Variants in KANSL1 observed in about 807,000 individuals in gnomAD.
KANSL1 encodes the protein KAT8 regulatory NSL complex subunit 1, also known as MLL1/MLL complex subunit KANSL1.
In KANSL1, 22 loss-of-function variants were observed where a neutral mutation model predicts 103.6. That is an observed-to-expected ratio of 0.21 (90% CI 0.15 to 0.30). The LOEUF (loss-of-function observed/expected upper bound fraction) is 0.30. Ranked by LOEUF, KANSL1 falls within the 10% of genes least tolerant of loss-of-function variation. The probability of loss-of-function intolerance (pLI) is 1.00; values close to 1 mark genes in which losing one functional copy is unlikely to be tolerated. For synonymous variants in KANSL1, 600 were observed against 527.6 expected, an observed-to-expected ratio of 1.14 and a Z score of -1.88; for missense variants, 1,337 against 1,399.8, an observed-to-expected ratio of 0.96 and a Z score of 0.72.
rs1331879115 is a variant in KANSL1 at position 46,030,553 on chromosome 17, C to G, written c.*923G>C. On this transcript the variant is annotated 3_prime_UTR_variant, in exon 15 of 15. Coordinates refer to ENST00000432791, the MANE Select transcript of KANSL1 (RefSeq NM_015443.4). ...GAGTGGAACTAACACCGACAGGGAT[C>G]TGGATGTGAAGGAAACATGGCAAAG... The G allele has an allele frequency of 4.0e-5, 6 of 148,712 alleles. No homozygotes were observed. Among genetic ancestry groups the G allele is most frequent in the Non-Finnish European group, 8.9e-5 (6 of 67,558 alleles). 9.2% of individuals were successfully genotyped at this position (148,712 alleles called of 1,614,324 possible).
chr17:46,134,476 G>T, intron 2 of KANSL1, among the ~76,000 whole-genome samples: 1 of 152,162 alleles, frequency 6.6e-6, no homozygotes, highest in African/African-American at 2.4e-5. Flanking sequence ...GATAAAGTCT[G>T]AACTTCAGAA....
intron 1 of KANSL1, among the ~76,000 whole-genome samples, chr17:46,209,658 T>C (rs1289176397): frequency 6.6e-6 from 1 of 152,182 alleles, no homozygotes; most frequent in East Asian, 1.9e-4. Flanking sequence ...CACATTTGGC[T>C]GATTTTTGTA....
chr17:46,162,149 T>A (rs1416371940), intron 2 of KANSL1, among the ~76,000 whole-genome samples: 1 of 152,248 alleles, frequency 6.6e-6, no homozygotes, highest in Non-Finnish European at 1.5e-5. Flanking sequence ...TTCTTTACAT[T>A]GGATATGTAA....
chr17:46,033,230 C>T (rs2077059858), intron 12 of KANSL1, 38 bp from the exon 13 acceptor site: 1 of 1,532,630 alleles, frequency 6.5e-7, no homozygotes, highest in Non-Finnish European at 8.9e-7. Context: ...CTCTTTTCTC[C>T]AGGAGTTAAG....
At chr17:46,033,008 A>G (rs2077051950) in intron 13 of KANSL1, 72 bp downstream of exon 13, 3 of 1,181,592 alleles carry the variant, frequency 2.5e-6, no homozygotes, top group Non-Finnish European at 3.5e-6. Flanking sequence ...AATTCCATGG[A>G]CTCAAGTAGG....
At chr17:46,142,527 T>C (rs1393722054) in intron 2 of KANSL1, among the ~76,000 whole-genome samples, 1 of 152,166 alleles carries the variant, frequency 6.6e-6, no homozygotes, top group Non-Finnish European at 1.5e-5. Flanking sequence ...GAGGACCACT[T>C]GAGTCCTGGA....
At chr17:46,150,078 A>T (rs1239403995) in intron 2 of KANSL1, among the ~76,000 whole-genome samples, 1 of 151,632 alleles carries the variant, frequency 6.6e-6, no homozygotes, top group African/African-American at 2.4e-5. Context: ...AAAAAAAAAA[A>T]AAATAGAACT....
At chr17:46,148,771 C>A (rs1031816233) in intron 2 of KANSL1, among the ~76,000 whole-genome samples, 2 of 151,308 alleles carry the variant, frequency 1.3e-5, no homozygotes, top group African/African-American at 4.9e-5. Flanking sequence ...TTTTTAGTAG[C>A]GACAGGGTTT....
intron 1 of KANSL1, among the ~76,000 whole-genome samples, chr17:46,181,487 T>C (rs908426608): frequency 6.6e-6 from 1 of 152,196 alleles, no homozygotes; most frequent in Non-Finnish European, 1.5e-5. Context: ...TGGAGTGCGA[T>C]GGCGCGATCT....
chr17:46,165,448 G>T (rs1274866378), intron 2 of KANSL1, among the ~76,000 whole-genome samples: 2 of 152,052 alleles, frequency 1.3e-5, no homozygotes, highest in African/African-American at 2.4e-5. Flanking sequence ...TAGCCAGGAT[G>T]GTCTCAATCT....
intron 2 of KANSL1, among the ~76,000 whole-genome samples, chr17:46,125,202 C>T (rs1049938853): frequency 2.6e-5 from 4 of 152,102 alleles, no homozygotes; most frequent in African/African-American, 9.7e-5. Context: ...GAGATAGGAC[C>T]TTCCACCAGC....
chr17:46,191,036 T>TA (rs142370817), intron 1 of KANSL1, among the ~76,000 whole-genome samples: 50 of 151,830 alleles, frequency 3.3e-4, no homozygotes, highest in Middle Eastern at 6.8e-3. Flanking sequence ...GTATTTACTT[T>TA]AAAAAAAAAG....
At chr17:46,051,085 T>C (rs958766117) in intron 6 of KANSL1, among the ~76,000 whole-genome samples, 1 of 152,196 alleles carries the variant, frequency 6.6e-6, no homozygotes, top group Non-Finnish European at 1.5e-5. Flanking sequence ...AGACGAACAG[T>C]TGGTTCTTGA....
chr17:46,213,622 T>C (rs1419535222), intron 1 of KANSL1, among the ~76,000 whole-genome samples: 1 of 150,594 alleles, frequency 6.6e-6, no homozygotes, highest in Non-Finnish European at 1.5e-5. Flanking sequence ...CGTTTTCTAA[T>C]GTGCAGGAAC....
At chr17:46,111,572 T>C (rs2042807577) in intron 2 of KANSL1, among the ~76,000 whole-genome samples, 2 of 152,160 alleles carry the variant, frequency 1.3e-5, no homozygotes, top group African/African-American at 4.8e-5. Flanking sequence ...ATACAACAAG[T>C]ATAATCAATA....
At chr17:46,183,277 AAT>A (rs1491543777) in intron 1 of KANSL1, among the ~76,000 whole-genome samples, 1 of 144,346 alleles carries the variant, frequency 6.9e-6, no homozygotes, top group Non-Finnish European at 1.5e-5. Flanking sequence ...CAAAAACACT[AAT>A]TTTTTTTTTT....
intron 1 of KANSL1, among the ~76,000 whole-genome samples, chr17:46,199,057 AT>A (rs2047708697): frequency 6.8e-6 from 1 of 147,974 alleles, no homozygotes; most frequent in African/African-American, 2.4e-5. Context: ...AACCAGCTAA[AT>A]ATTAAATAGC....
At position 46,172,001 on chromosome 17, in the gene KANSL1, C is replaced by T; in HGVS notation, c.143G>A (p.Gly48Glu). The T allele has an allele frequency of 6.2e-7, 1 of 1,614,236 alleles. No individual in the cohort carries two copies. Among genetic ancestry groups the T allele is most frequent in the Non-Finnish European group, 8.5e-7 (1 of 1,180,042 alleles). Reference protein sequence around the residue: ...GNANILIAANGTKRKAIAAED... With the variant: ...GNANILIAANETKRKAIAAED... ...TGCAGCAATGGCTTTTCTTTTGGTT[C>T]CGTTGGCAGCAATAAGGATGTTGGC... Residue 48 changes from glycine to glutamate, a missense_variant, in exon 2 of 15, where the codon GGA (glycine) becomes GAA (glutamate). Gly to Glu is a moderately conservative substitution (Grantham distance 98, BLOSUM62 -2). This residue lies in a region of KANSL1 where 557 missense variants were observed against 476.4 expected (regional missense o/e 1.17). Transcript: ENST00000432791.
intron 6 of KANSL1, among the ~76,000 whole-genome samples, chr17:46,058,741 ACACTCTCTCTCTCTCTCTCTCTCT>A (rs1156410191): frequency 0.046 from 3,385 of 73,488 alleles, 53 homozygotes; most frequent in Admixed American, 0.12. Flanking sequence ...ACACACACAC[ACACTCTCTCTCTCTCTCTCTCTCT>A]CTCTCTCTCT....
Sources: gnomAD v4.1 joint callset for allele counts (sites outside exome capture counted in the v4.1 genomes callset) on GRCh38, gnomAD v4.1.1 for gene constraint, gnomAD v4.1.1 regional missense constraint, MANE v1.5 for transcripts, NCBI Gene and HGNC (gene_info 2026-07-23, HGNC 2026-07-21) for gene names.